EHMT1: variants seen among roughly 807,000 people sequenced by gnomAD.
EHMT1 encodes histone-lysine N-methyltransferase EHMT1.
In EHMT1, 15 loss-of-function variants were observed where a neutral mutation model predicts 147.2. That is an observed-to-expected ratio of 0.10 (90% confidence interval 0.07 to 0.16). The LOEUF is 0.16. Among genes scored for constraint, EHMT1 ranks in the 10% least tolerant of loss-of-function variants. The pLI is 1.00. For synonymous variants in EHMT1, 795 were observed against 709.6 expected (o/e 1.12, Z -1.91); for missense variants, 1,587 against 1,772.4 (o/e 0.90, Z 1.88).
rs1953045673 is a variant in EHMT1, at chr9:137,797,331, C to T, written c.2506-1482C>T. On this transcript the variant is annotated intron_variant, in intron 16 of 26. Coordinates refer to ENST00000460843, the MANE Select transcript of EHMT1 (RefSeq NM_024757.5). ...GTTCCTTTGGCTGACTCTCAATCCC[C>T]TCACCCCACCACTCTGCCGCTCCCA... is the stretch of plus-strand genomic sequence containing the variant. 2.0e-5 allele frequency among the ~76,000 whole-genome samples: 3 copies of T among 152,126 alleles called. No individual in the cohort carries two copies. The South Asian group carries it at 6.2e-4, about 32-fold the overall frequency.
chr9:137,769,131 A>G (rs917793755), intron 10 of EHMT1, among the ~76,000 whole-genome samples: 3 of 152,250 alleles, frequency 2.0e-5, no homozygotes, highest in African/African-American at 7.2e-5. Flanking sequence ...GTCTACCTCC[A>G]ACAAATCATT....
intron 16 of EHMT1, 31 bp from the exon 17 acceptor site, chr9:137,798,782 A>G (rs757409201): frequency 1.3e-6 from 2 of 1,581,362 alleles, no homozygotes; most frequent in South Asian, 1.1e-5. Context: ...ACAGGTATGG[A>G]TTCTTTGACT....
Position 137,776,551 on chromosome 9 carries a change from G to GTAC in EHMT1, c.1792-65_1792-63dup. ...TGTGGGATGCGGTGCCAGTTTAGTA[G>GTAC]TACTTTATTTTTCTAAATATTAACC... On this transcript the variant is annotated intron_variant, in intron 11 of 26. Coordinates refer to ENST00000460843, the MANE Select transcript of EHMT1 (RefSeq NM_024757.5). The surrounding 1 kb of genome is among the most constrained non-coding windows in gnomAD (Gnocchi z 4.4). 6.5e-7 allele frequency: 1 copy of GTAC among 1,527,402 alleles called. No individual in the cohort carries two copies. The highest frequency in any genetic ancestry group is 9.0e-7 in the Non-Finnish European group (1 of 1,108,794). The allele number at this position is 1,527,402 out of a possible 1,614,324, so 94.6% of individuals were successfully genotyped here.
Position 137,729,145 on chromosome 9 carries a change from G to A in EHMT1, c.823+616G>A, listed in dbSNP as rs542846191. On this transcript the variant is annotated intron_variant, in intron 4 of 26. Coordinates refer to ENST00000460843, the MANE Select transcript of EHMT1 (RefSeq NM_024757.5). The stretch of plus-strand genomic sequence containing the variant: ...CTGGGATGGGATGTGTGCGTTTGGC[G>A]CTGTCCTGAAGAGATGCAAGGCCCT... 1.1e-3 allele frequency among the ~76,000 whole-genome samples: 175 copies of A among 152,242 alleles called. 2 individuals are homozygous for A. Among genetic ancestry groups the A allele is most frequent in the African/African-American group, 4.1e-3 (172 of 41,542 alleles).
chr9:137,781,227 C>G (rs1397896970), intron 14 of EHMT1, among the ~76,000 whole-genome samples: 1 of 82,292 alleles, frequency 1.2e-5, no homozygotes, highest in Non-Finnish European at 2.0e-5. Flanking sequence ...GACGCTGGGA[C>G]GTGTGGTGAC....
chr9:137,806,865 T>G (rs1377922008), intron 18 of EHMT1, among the ~76,000 whole-genome samples: 3 of 152,254 alleles, frequency 2.0e-5, no homozygotes, highest in Non-Finnish European at 4.4e-5. Context: ...TCACCTGCAG[T>G]GTTTGCAGTG....
At chr9:137,755,607 G>C (rs1181527516) in intron 8 of EHMT1, among the ~76,000 whole-genome samples, 1 of 152,242 alleles carries the variant, frequency 6.6e-6, no homozygotes, top group African/African-American at 2.4e-5. Context: ...TGGAATGGCT[G>C]AGTAGAGTGG....
At chr9:137,752,509 C>T (rs1032319342) in intron 7 of EHMT1, 101 bp downstream of exon 7, 7 of 1,378,196 alleles carry the variant, frequency 5.1e-6, no homozygotes, top group African/African-American at 4.3e-5. Flanking sequence ...GTTGCCTGAG[C>T]GCTCACCCAT....
At chr9:137,630,196 C>G (rs527462334) in intron 1 of EHMT1, among the ~76,000 whole-genome samples, 1 of 152,214 alleles carries the variant, frequency 6.6e-6, no homozygotes, top group South Asian at 2.1e-4. Context: ...TGAGCACTTT[C>G]TGTTTATGCA....
chr9:137,631,061 G>A (rs1843594846), intron 1 of EHMT1, among the ~76,000 whole-genome samples: 1 of 152,054 alleles, frequency 6.6e-6, no homozygotes, highest in Non-Finnish European at 1.5e-5. Context: ...TTAATTTTTT[G>A]AGCATATAGG....
intron 1 of EHMT1, among the ~76,000 whole-genome samples, chr9:137,696,808 A>G (rs4979657): frequency 0.19 from 28,341 of 152,178 alleles, 2,846 homozygotes; most frequent in Admixed American, 0.32. Flanking sequence ...ACAAATGGCA[A>G]GGTGGAAGTG....
At chr9:137,735,457 A>G (rs1338012365) in intron 4 of EHMT1, among the ~76,000 whole-genome samples, 1 of 152,262 alleles carries the variant, frequency 6.6e-6, no homozygotes, top group East Asian at 1.9e-4. Flanking sequence ...AACTAAATAT[A>G]AAAGAAGACA....
chr9:137,750,047 CAA>C (rs1036009861), intron 6 of EHMT1, among the ~76,000 whole-genome samples: 12 of 152,170 alleles, frequency 7.9e-5, no homozygotes, highest in East Asian at 1.9e-4. Flanking sequence ...TTTTAAAAGA[CAA>C]GAGAGAAGAG....
Position 137,773,268 on chromosome 9 carries a change from C to T in EHMT1, c.1648-1841C>T, listed in dbSNP as rs868249563. On this transcript the variant is annotated intron_variant, in intron 10 of 26. Coordinates refer to ENST00000460843, the MANE Select transcript of EHMT1 (RefSeq NM_024757.5). ...AAAGTCAGTAGGTACAAGTGCCCTG[C>T]AGCCGCTGGTCCTGAACCAGGGAGT... Among the ~76,000 whole-genome samples, 15 of 152,334 alleles carry T rather than the reference C, an allele frequency of 9.8e-5. No individual in the cohort carries two copies. In the East Asian group the frequency reaches 1.3e-3, roughly 14 times the overall value.
chr9:137,654,730 G>T (rs561766135), intron 1 of EHMT1, among the ~76,000 whole-genome samples: 29 of 152,338 alleles, frequency 1.9e-4, no homozygotes, highest in African/African-American at 3.8e-4. Context: ...TTGAGTAAAG[G>T]CTGGGCCTGC....
At chr9:137,817,658 A>C (rs1018464952) in intron 24 of EHMT1, 133 bp downstream of exon 24, 1 of 1,172,188 alleles carries the variant, frequency 8.5e-7, no homozygotes, top group South Asian at 1.3e-5. Context: ...TGGGGGCCAC[A>C]GAGACCCTGG....
At chr9:137,750,808 C>G (rs576260484) in intron 6 of EHMT1, among the ~76,000 whole-genome samples, 2 of 152,160 alleles carry the variant, frequency 1.3e-5, no homozygotes, top group African/African-American at 4.8e-5. Flanking sequence ...AGCGCTGAGG[C>G]GGTTAATGAG....
intron 1 of EHMT1, among the ~76,000 whole-genome samples, chr9:137,642,636 T>C (rs1445375460): frequency 6.6e-6 from 1 of 152,270 alleles, no homozygotes; most frequent in Non-Finnish European, 1.5e-5. Flanking sequence ...ATTACAATAC[T>C]ATATGAAATA....
At chr9:137,656,848 C>T (rs1938507833) in intron 1 of EHMT1, among the ~76,000 whole-genome samples, 1 of 152,180 alleles carries the variant, frequency 6.6e-6, no homozygotes, top group South Asian at 2.1e-4. Context: ...TCAAGCGATT[C>T]TCCTGCCTCA....
Sources: allele counts gnomAD v4.1 joint callset (sites outside exome capture counted in the v4.1 genomes callset), GRCh38; gene constraint gnomAD v4.1.1; non-coding constraint Gnocchi (gnomAD v3.1); transcripts MANE v1.5; gene names NCBI Gene and HGNC (gene_info 2026-07-23, HGNC 2026-07-21).